Variants in MYO5B observed in about 807,000 individuals in gnomAD.
MYO5B encodes the protein unconventional myosin-Vb.
Under a neutral mutation model 229.3 loss-of-function variants are expected in MYO5B, and 143 were observed. The observed-to-expected ratio is 0.62, with a 90% CI of 0.54 to 0.72. The LOEUF (loss-of-function observed/expected upper bound fraction) is 0.72. Ranked by LOEUF, MYO5B falls within the 30% of genes least tolerant of loss-of-function variation. The pLI is 0.00. For synonymous variants in MYO5B, 918 were observed against 885.2 expected, an observed-to-expected ratio of 1.04 and a Z score of -0.66; for missense variants, 2,321 against 2,331.0, an observed-to-expected ratio of 1.00 and a Z score of 0.09.
chr18:49,940,352 T>C (rs2025300788), intron 14 of MYO5B, among the ~76,000 whole-genome samples: 1 of 152,132 alleles, frequency 6.6e-6, no homozygotes, highest in African/African-American at 2.4e-5. Context: ...AGTAGCAAGA[T>C]GGTGCTGGTG....
At chr18:49,921,608 G>A (rs1276603304) in intron 17 of MYO5B, among the ~76,000 whole-genome samples, 4 of 152,194 alleles carry the variant, frequency 2.6e-5, no homozygotes, top group Non-Finnish European at 5.9e-5. Context: ...ACCGGTATAG[G>A]GAAGCCCGAG....
chr18:50,093,740 A>G (rs914039171), intron 1 of MYO5B, among the ~76,000 whole-genome samples: 2 of 152,068 alleles, frequency 1.3e-5, no homozygotes, highest in Non-Finnish European at 2.9e-5. Context: ...AGCGCTCATT[A>G]AACACTAATT....
intron 1 of MYO5B, among the ~76,000 whole-genome samples, chr18:50,118,336 T>A (rs2031999645): frequency 6.6e-6 from 1 of 152,062 alleles, no homozygotes; most frequent in Non-Finnish European, 1.5e-5. Flanking sequence ...TGAAGCCCAA[T>A]GAGAGTTGCA....
At chr18:49,983,544 T>C (rs1598931134) in intron 8 of MYO5B, among the ~76,000 whole-genome samples, 1 of 152,232 alleles carries the variant, frequency 6.6e-6, no homozygotes, top group Non-Finnish European at 1.5e-5. Flanking sequence ...TTATTGGCTG[T>C]TCTTCCCCCA....
chr18:50,176,384 T>A (rs772464674), intron 1 of MYO5B, among the ~76,000 whole-genome samples: 2 of 152,210 alleles, frequency 1.3e-5, no homozygotes, highest in Non-Finnish European at 2.9e-5. Context: ...ACAACTGAAG[T>A]TATTTTTTCT....
At position 50,154,424 on chromosome 18, in the gene MYO5B, T is replaced by C. The variant is rs943808574; in HGVS notation, c.27+40343A>G. On this transcript the variant is annotated intron_variant, in intron 1 of 39. Coordinates refer to ENST00000285039, the MANE Select transcript of MYO5B (RefSeq NM_001080467.3). ...TTTAAGAACAGTTAATGCTCCACCATGCCTTCTTTGATTGGTACGGGATTT... is the reference window on the plus strand; with the variant it reads ...TTTAAGAACAGTTAATGCTCCACCACGCCTTCTTTGATTGGTACGGGATTT... Among the ~76,000 whole-genome samples the C allele has an allele frequency of 6.6e-5, 10 of 152,206 alleles. No homozygotes were observed. The East Asian group carries it at 1.9e-3, about 29-fold the overall frequency.
At chr18:50,071,837 C>G (rs2030964442) in intron 1 of MYO5B, among the ~76,000 whole-genome samples, 1 of 152,228 alleles carries the variant, frequency 6.6e-6, no homozygotes, top group African/African-American at 2.4e-5. Context: ...AGAGCAGGAT[C>G]CTTAGCACAG....
chr18:50,025,536 T>G (rs2026321279), intron 4 of MYO5B, among the ~76,000 whole-genome samples: 1 of 152,264 alleles, frequency 6.6e-6, no homozygotes. Flanking sequence ...TGTCTCAGTG[T>G]AACTGGTCTG....
chr18:50,103,674 G>A (rs1404571720), intron 1 of MYO5B, among the ~76,000 whole-genome samples: 3 of 152,128 alleles, frequency 2.0e-5, no homozygotes, highest in Non-Finnish European at 4.4e-5. Context: ...CCAGCAGTTT[G>A]GGGCTGCAGT....
intron 1 of MYO5B, among the ~76,000 whole-genome samples, chr18:50,096,336 A>G (rs2031549719): frequency 6.6e-6 from 1 of 151,774 alleles, no homozygotes; most frequent in African/African-American, 2.4e-5. Context: ...TCTCACACCA[A>G]ATTCCCCCCT....
At chr18:49,945,724 G>C (rs2025364149) in intron 14 of MYO5B, among the ~76,000 whole-genome samples, 1 of 148,502 alleles carries the variant, frequency 6.7e-6, no homozygotes, top group Non-Finnish European at 1.5e-5. Context: ...GAGAGTGGCA[G>C]GAGCAGAATG....
intron 33 of MYO5B, 80 bp downstream of exon 33, chr18:49,847,066 G>T: frequency 6.3e-7 from 1 of 1,576,124 alleles, no homozygotes; most frequent in South Asian, 1.1e-5. Context: ...GAAGGGGTGT[G>T]GGGGTTGTGC....
chr18:49,910,140 G>C (rs1486456318), intron 18 of MYO5B, among the ~76,000 whole-genome samples: 2 of 152,198 alleles, frequency 1.3e-5, no homozygotes, highest in Non-Finnish European at 2.9e-5. Flanking sequence ...GAAGAGAAGA[G>C]GCAGCTGTGC....
chr18:49,949,090 T>C (rs1157306222), intron 14 of MYO5B, among the ~76,000 whole-genome samples: 1 of 152,108 alleles, frequency 6.6e-6, no homozygotes, highest in Non-Finnish European at 1.5e-5. Flanking sequence ...TATGCTGGGA[T>C]AGAGTGGAAA....
chr18:49,895,617 C>T (rs1416689974), intron 21 of MYO5B, among the ~76,000 whole-genome samples: 2 of 152,186 alleles, frequency 1.3e-5, no homozygotes, highest in South Asian at 2.1e-4. Flanking sequence ...GCAATCTAAT[C>T]GCTGGCTTTG....
intron 21 of MYO5B, among the ~76,000 whole-genome samples, chr18:49,898,105 A>G (rs927593073): frequency 1.3e-5 from 2 of 152,236 alleles, no homozygotes; most frequent in Non-Finnish European, 2.9e-5. Context: ...CACATAGCCT[A>G]GGTGTGTAGC....
intron 1 of MYO5B, among the ~76,000 whole-genome samples, chr18:50,108,161 G>T (rs2031796216): frequency 6.6e-6 from 1 of 152,150 alleles, no homozygotes; most frequent in Non-Finnish European, 1.5e-5. Flanking sequence ...GCCTACCCTG[G>T]CCTCCCAAAG....
chr18:50,099,558 C>G (rs889013476), intron 1 of MYO5B, among the ~76,000 whole-genome samples: 1 of 152,180 alleles, frequency 6.6e-6, no homozygotes, highest in Non-Finnish European at 1.5e-5. Context: ...GTAGTTGATT[C>G]TTGGGGTTCT....
chr18:50,146,693 G>A (rs1196974816), intron 1 of MYO5B, among the ~76,000 whole-genome samples: 1 of 152,216 alleles, frequency 6.6e-6, no homozygotes, highest in Non-Finnish European at 1.5e-5. Context: ...AATTAACCCA[G>A]TGCTAAGACT....
Sources: allele counts gnomAD v4.1 joint callset (sites outside exome capture counted in the v4.1 genomes callset), GRCh38; gene constraint gnomAD v4.1.1; transcripts MANE v1.5; gene names NCBI Gene and HGNC (gene_info 2026-07-23, HGNC 2026-07-21).